Variants in CLMP observed in about 807,000 individuals in gnomAD.
CLMP encodes CXADR like cell adhesion molecule.
CLMP carries 27 observed loss-of-function variants against 45.2 expected under a neutral mutation model. That is an observed-to-expected ratio of 0.60 (90% CI 0.44 to 0.82). CLMP has a LOEUF of 0.82. Ranked by LOEUF, CLMP falls within the 40% of genes least tolerant of loss-of-function variation. The probability of loss-of-function intolerance (pLI) is 0.00; values close to 1 mark genes in which losing one functional copy is unlikely to be tolerated. For synonymous variants in CLMP, 167 were observed against 171.4 expected (o/e 0.97, Z 0.20); for missense variants, 403 against 448.4 (o/e 0.90, Z 0.91).
At chr11:123,116,383 A>G (rs1253290328) in intron 1 of CLMP, among the ~76,000 whole-genome samples, 1 of 151,948 alleles carries the variant, frequency 6.6e-6, no homozygotes, top group Non-Finnish European at 1.5e-5. Flanking sequence ...CCTGGCCAAC[A>G]TGATGAAACC....
At chr11:123,167,443 G>A (rs559731091) in intron 1 of CLMP, among the ~76,000 whole-genome samples, 25 of 152,112 alleles carry the variant, frequency 1.6e-4, no homozygotes, top group African/African-American at 4.3e-4. Flanking sequence ...CCACCACCAC[G>A]CCTGGCTAAT....
intron 1 of CLMP, among the ~76,000 whole-genome samples, chr11:123,144,512 C>G (rs1228959546): frequency 2.6e-5 from 4 of 152,180 alleles, no homozygotes; most frequent in Admixed American, 2.6e-4. Flanking sequence ...GCTGGCATTA[C>G]AGGCATGTGC....
At chr11:123,178,028 AATT>A (rs1419491715) in intron 1 of CLMP, among the ~76,000 whole-genome samples, 4 of 151,834 alleles carry the variant, frequency 2.6e-5, no homozygotes, top group Non-Finnish European at 4.4e-5. Flanking sequence ...ATGCTGGGCT[AATT>A]TTTTTTGTAT....
chr11:123,108,872 G>A (rs1427675016), intron 1 of CLMP, among the ~76,000 whole-genome samples: 1 of 151,908 alleles, frequency 6.6e-6, no homozygotes, highest in African/African-American at 2.4e-5. Context: ...TGACTAGCAT[G>A]GAGAAGGAGA....
intron 1 of CLMP, among the ~76,000 whole-genome samples, chr11:123,164,607 T>C (rs1323038172): frequency 1.4e-5 from 2 of 143,888 alleles, no homozygotes; most frequent in African/African-American, 2.6e-5. Context: ...CCTGGCTTGA[T>C]TTTTTTTTTT....
chr11:123,127,144 CAG>C (rs926093615), intron 1 of CLMP, among the ~76,000 whole-genome samples: 3 of 151,556 alleles, frequency 2.0e-5, no homozygotes, highest in Admixed American at 6.6e-5. Flanking sequence ...TTTTTTGAGA[CAG>C]AGTCTCTCTC....
chr11:123,109,762 G>A (rs751207445), intron 1 of CLMP, among the ~76,000 whole-genome samples: 26 of 152,334 alleles, frequency 1.7e-4, no homozygotes, highest in Non-Finnish European at 3.5e-4. Context: ...CCAGTATGAT[G>A]TGGCCGCATT....
At chr11:123,113,020 T>G (rs7948719) in intron 1 of CLMP, among the ~76,000 whole-genome samples, 112,686 of 152,008 alleles carry the variant, frequency 0.74, 43,056 homozygotes, top group African/African-American at 0.94. Context: ...TGATCTGCCC[T>G]CCTCGACCTC....
At chr11:123,162,066 A>C (rs1861494673) in intron 1 of CLMP, among the ~76,000 whole-genome samples, 1 of 152,218 alleles carries the variant, frequency 6.6e-6, no homozygotes, top group South Asian at 2.1e-4. Context: ...CAACCTGAAG[A>C]AGCTCACAGT....
intron 1 of CLMP, among the ~76,000 whole-genome samples, chr11:123,162,475 G>T (rs1273277776): frequency 6.6e-6 from 1 of 152,132 alleles, no homozygotes; most frequent in Non-Finnish European, 1.5e-5. Context: ...AGAGGAACTG[G>T]GAAATAAATC....
chr11:123,100,125 C>T lies in CLMP; in HGVS notation c.29-2173G>A, dbSNP rs571238201. Among the ~76,000 whole-genome samples the T allele has an allele frequency of 9.2e-5, 14 of 152,234 alleles. No individual in the cohort carries two copies. The South Asian group carries it at 2.7e-3, about 29-fold the overall frequency. On this transcript the variant is annotated intron_variant, in intron 1 of 6. Transcript: ENST00000448775. ...GTGGCTCACGCCTGTAATCCCAGCA[C>T]TTTGGGAGGCTGAGGAGGGCAGATC...
chr11:123,155,882 G>A (rs936801137), intron 1 of CLMP, among the ~76,000 whole-genome samples: 2 of 152,210 alleles, frequency 1.3e-5, no homozygotes, highest in Non-Finnish European at 2.9e-5. Context: ...ACCATGGCAT[G>A]AGAATGACAA....
intron 1 of CLMP, among the ~76,000 whole-genome samples, chr11:123,118,942 TTTCTTTC>T (rs1860756907): frequency 1.2e-4 from 2 of 16,172 alleles, no homozygotes; most frequent in Non-Finnish European, 2.6e-4. Context: ...TCTTTCTTTC[TTTCTTTC>T]TTTCTTTCTT....
chr11:123,074,109 A>T (rs1865706198), intron 6 of CLMP, among the ~76,000 whole-genome samples: 2 of 151,278 alleles, frequency 1.3e-5, no homozygotes, highest in Non-Finnish European at 2.9e-5. Context: ...TATGCCCATT[A>T]TGGGTAGAAG....
intron 1 of CLMP, among the ~76,000 whole-genome samples, chr11:123,164,810 G>A (rs1861536558): frequency 6.6e-6 from 1 of 152,110 alleles, no homozygotes; most frequent in South Asian, 2.1e-4. Flanking sequence ...AAAACATTTA[G>A]ATGAATAAAT....
intron 5 of CLMP, among the ~76,000 whole-genome samples, chr11:123,079,839 T>C (rs980206583): frequency 6.6e-6 from 1 of 152,242 alleles, no homozygotes; most frequent in Non-Finnish European, 1.5e-5. Flanking sequence ...GGGCAACTTG[T>C]AGACCTCTGT....
chr11:123,117,851 G>A (rs1230253181), intron 1 of CLMP, among the ~76,000 whole-genome samples: 1 of 152,040 alleles, frequency 6.6e-6, no homozygotes, highest in African/African-American at 2.4e-5. Context: ...GATCTTAGCA[G>A]GAAAAAAGGA....
chr11:123,194,810 C>G, intron 1 of CLMP, 103 bp downstream of exon 1: 1 of 1,457,014 alleles, frequency 6.9e-7, no homozygotes, highest in South Asian at 1.2e-5. Context: ...CCGGCTGACT[C>G]CAGGGGCTGC....
At chr11:123,088,298 A>G (rs1865888334) in intron 2 of CLMP, among the ~76,000 whole-genome samples, 1 of 152,218 alleles carries the variant, frequency 6.6e-6, no homozygotes, top group Non-Finnish European at 1.5e-5. Context: ...TGCGTTCACA[A>G]CAGGAAAAAA....
Sources: gnomAD v4.1 joint callset for allele counts (sites outside exome capture counted in the v4.1 genomes callset) on GRCh38, gnomAD v4.1.1 for gene constraint, MANE v1.5 for transcripts, NCBI Gene and HGNC (gene_info 2026-07-23, HGNC 2026-07-21) for gene names.